The following PUS7L variants were observed in gnomAD, a reference collection of about 807,000 sequenced individuals.
PUS7L encodes pseudouridine synthase 7 like, also known as pseudouridylate synthase PUS7L.
PUS7L carries 49 observed loss-of-function variants against 51.1 expected under a neutral mutation model. That is an observed-to-expected ratio of 0.96 (90% CI 0.76 to 1.22). The LOEUF (loss-of-function observed/expected upper bound fraction) is 1.22. Among genes scored for constraint, PUS7L ranks in the 50% most tolerant of loss-of-function variants. The pLI is 0.00. For missense variants in PUS7L, 828 were observed against 820.6 expected (o/e 1.01, Z -0.11); for synonymous variants, 277 against 276.2 (o/e 1.00, Z -0.03).
intron 7 of PUS7L, 100 bp downstream of exon 7, chr12:43,736,281 T>G: frequency 1.0e-6 from 1 of 973,544 alleles, no homozygotes; most frequent in African/African-American, 1.6e-5. Context: ...ATAAATAAAT[T>G]ACATGTATGT....
chr12:43,749,492 G>A (rs1206640751), intron 2 of PUS7L, among the ~76,000 whole-genome samples: 2 of 152,060 alleles, frequency 1.3e-5, no homozygotes, highest in Non-Finnish European at 2.9e-5. Flanking sequence ...AGACCAGGCT[G>A]GGCAACATAT....
rs780379475 is a variant in PUS7L, at chr12:43,738,382, T to C, written c.1372A>G (p.Ile458Val). 9 of 1,569,140 alleles carry C rather than the reference T, an allele frequency of 5.7e-6. No homozygotes were observed. The highest frequency in any genetic ancestry group is 1.7e-5 in the Admixed American group (1 of 59,410). The change falls in exon 6 of 9, where the codon ATA (isoleucine) becomes GTA (valine). Residue 458 changes from isoleucine (I) to valine (V), a missense_variant. Ile to Val is a conservative substitution (Grantham distance 29). Coordinates refer to ENST00000344862, the MANE Select transcript of PUS7L (RefSeq NM_031292.5). Reference sequence around the variant, plus strand: ...TCTTCTGGTGTAAGAAACAATTTTATGGCTTTCATCTTAAAAAATCAAGCA... The same window carrying C: ...TCTTCTGGTGTAAGAAACAATTTTACGGCTTTCATCTTAAAAAATCAAGCA... ...ALLKNEMMKA[I>V]KLFLTPEDLD...
intron 4 of PUS7L, among the ~76,000 whole-genome samples, chr12:43,743,536 G>A (rs537244472): frequency 2.0e-5 from 3 of 152,304 alleles, no homozygotes; most frequent in South Asian, 2.1e-4. Context: ...GGCCAAGGCC[G>A]GCGGATCACG....
At position 43,742,446 on chromosome 12, in the gene PUS7L, A is replaced by G; in HGVS notation, c.1362+11T>C. 1 of 1,582,830 alleles carries G rather than the reference A, an allele frequency of 6.3e-7. No homozygotes were observed. The highest frequency in any genetic ancestry group is 1.7e-4 in the Middle Eastern group (1 of 5,988). Reference sequence around the variant, plus strand: ...AGAAACAGATAAGATTACATTTTTCAAAATCCATACCATTTCATTCTTCAG... The same window carrying G: ...AGAAACAGATAAGATTACATTTTTCGAAATCCATACCATTTCATTCTTCAG... On this transcript the variant is annotated intron_variant, in intron 5 of 8. Transcript: ENST00000344862.
Position 43,746,196 on chromosome 12 carries a change from A to G in PUS7L, c.1113T>C (p.Asn371=), listed in dbSNP as rs777583909. The part of the protein sequence containing the change: ...IEKEIEKKRM[N]VFNIRSVDDS... ...CATCTACAGACCGAATATTAAAGACATTCATTCTTTTCTTTTCAATTTCTT... is the reference window on the plus strand; with the variant it reads ...CATCTACAGACCGAATATTAAAGACGTTCATTCTTTTCTTTTCAATTTCTT... Residue 371 remains asparagine, a synonymous_variant, in exon 4 of 9, where the codon AAT becomes AAC. Coordinates refer to ENST00000344862, the MANE Select transcript of PUS7L (RefSeq NM_031292.5). 3 of 1,378,912 alleles carry G rather than the reference A, an allele frequency of 2.2e-6. No individual in the cohort carries two copies. The highest frequency in any genetic ancestry group is 4.0e-5 in the Admixed American group (2 of 50,540). 85.4% of individuals were successfully genotyped at this position (1,378,912 alleles called of 1,614,324 possible). A position where few individuals can be genotyped will look rare whatever the true frequency, so the allele number is the denominator to read the frequency against.
At chr12:43,749,353 T>G (rs761735125) in intron 2 of PUS7L, among the ~76,000 whole-genome samples, 2 of 152,150 alleles carry the variant, frequency 1.3e-5, no homozygotes, top group Non-Finnish European at 2.9e-5. Flanking sequence ...ACCGAAGACA[T>G]GGAATCAACC....
intron 4 of PUS7L, among the ~76,000 whole-genome samples, chr12:43,744,517 C>T (rs377318301): frequency 6.6e-6 from 1 of 152,188 alleles, no homozygotes; most frequent in African/African-American, 2.4e-5. Context: ...CCCACCTATA[C>T]GGAACTGTGA....
intron 1 of PUS7L, chr12:43,758,299 A>ACG (rs1410952060): frequency 1.0e-6 from 1 of 985,270 alleles, no homozygotes; most frequent in African/African-American, 1.7e-5. Context: ...GAGGACAGCA[A>ACG]AGGAGCCCAC....
At position 43,730,557 on chromosome 12, in the gene PUS7L, C is replaced by T; in HGVS notation, c.1925G>A (p.Arg642Lys). 6.2e-7 allele frequency: 1 copy of T among 1,613,872 alleles called. No homozygotes were observed. The highest frequency in any genetic ancestry group is 8.5e-7 in the Non-Finnish European group (1 of 1,179,858). ...TLKLNIPGCYRQILKHPCNLS... is the reference protein window; with the variant it reads ...TLKLNIPGCYKQILKHPCNLS... ...ATTACAGGGATGTTTCAAAATCTGT[C>T]TATAGCAACCTGGTATATTCAGTTT... The change falls in exon 9 of 9, where the codon AGA becomes AAA. Residue 642 changes from arginine to lysine, a missense_variant. By Grantham distance (26) the Arg-to-Lys change is conservative. Transcript: ENST00000344862.
At chr12:43,750,527 G>C (rs537564354) in intron 2 of PUS7L, among the ~76,000 whole-genome samples, 35 of 152,088 alleles carry the variant, frequency 2.3e-4, no homozygotes, top group African/African-American at 8.0e-4. Flanking sequence ...TAATTACTTA[G>C]AACAATTACA....
In PUS7L at chr12:43,723,193, A is replaced by G. The variant is rs1944417321; in HGVS notation, c.*7183T>C. 1 of 152,144 alleles carries G rather than the reference A, an allele frequency of 6.6e-6. No homozygotes were observed. The highest frequency in any genetic ancestry group is 1.5e-5 in the Non-Finnish European group (1 of 67,968). 9.4% of individuals were successfully genotyped at this position (152,144 alleles called of 1,614,324 possible). A position where few individuals can be genotyped will look rare whatever the true frequency, so the allele number is the denominator to read the frequency against. ...AGAGATGGCCTATGTACACAGGCAG[A>G]GTAAATTAACTCCTGCCTCAAAGTT... On this transcript the variant is annotated 3_prime_UTR_variant, in exon 9 of 9. Coordinates refer to ENST00000344862, the MANE Select transcript of PUS7L (RefSeq NM_031292.5).
chr12:43,746,244 A>C lies in PUS7L; in HGVS notation c.1071-6T>G. On this transcript the variant is annotated splice_polypyrimidine_tract_variant and splice_region_variant and intron_variant, in intron 3 of 8. Coordinates refer to ENST00000344862, the MANE Select transcript of PUS7L (RefSeq NM_031292.5). Reference sequence around the variant, plus strand: ...CTTTTTCAATATTTTTCAACCTGTAAGTAATAAATCATATAAACTCAGTTA... The same window carrying C: ...CTTTTTCAATATTTTTCAACCTGTACGTAATAAATCATATAAACTCAGTTA... The C allele has an allele frequency of 2.6e-6, 3 of 1,174,582 alleles. No individual in the cohort carries two copies. Among genetic ancestry groups the C allele is most frequent in the Non-Finnish European group, 3.6e-6 (3 of 828,168 alleles). The allele number at this position is 1,174,582 out of a possible 1,614,324, so 72.8% of individuals were successfully genotyped here.
chr12:43,748,616 CAAA>C lies in PUS7L; in HGVS notation c.911-10_911-8del, dbSNP rs750552126. The C allele has an allele frequency of 1.2e-5, 17 of 1,404,930 alleles. No individual in the cohort carries two copies. In the African/African-American group the frequency reaches 2.1e-4, roughly 17 times the overall value. 87.0% of individuals were successfully genotyped at this position (1,404,930 alleles called of 1,614,324 possible). On this transcript the variant is annotated splice_region_variant and splice_polypyrimidine_tract_variant and intron_variant, in intron 2 of 8. Coordinates refer to ENST00000344862, the MANE Select transcript of PUS7L (RefSeq NM_031292.5). Reference sequence around the variant, plus strand: ...TCCTTTCGTAGGGTAAAAGCTGAAACAAAAAAAAAACTTAGATCACAAAAAAAG... The same window carrying C: ...TCCTTTCGTAGGGTAAAAGCTGAAACAAAAAAACTTAGATCACAAAAAAAG...
At chr12:43,732,891 A>T (rs1248438338) in intron 7 of PUS7L, among the ~76,000 whole-genome samples, 1 of 152,222 alleles carries the variant, frequency 6.6e-6, no homozygotes, top group Non-Finnish European at 1.5e-5. Flanking sequence ...AAAATACAAG[A>T]GACAGACTAC....
chr12:43,745,967 A>G (rs957850093), intron 4 of PUS7L, 79 bp downstream of exon 4: 8 of 620,478 alleles, frequency 1.3e-5, no homozygotes, highest in Non-Finnish European at 2.2e-5. Context: ...AAGAAAAAGA[A>G]GTTTCCCCTC....
intron 1 of PUS7L, among the ~76,000 whole-genome samples, chr12:43,756,111 A>C (rs1466012407): frequency 6.6e-6 from 1 of 152,208 alleles, no homozygotes; most frequent in African/African-American, 2.4e-5. Flanking sequence ...CATACCTATA[A>C]TGTATTCTAC....
rs150132616 is a variant in PUS7L, at chr12:43,751,888, G to A, written c.910+2448C>T. Among the ~76,000 whole-genome samples, 138 of 152,188 alleles carry A rather than the reference G, an allele frequency of 9.1e-4. 2 individuals carry two copies. The Middle Eastern group carries it at 0.017, about 19-fold the overall frequency. ...CCTGTTTCCTGACTTTTTAATGATC[G>A]CCATTCTAACTGGTGTGAGATGATA... On this transcript the variant is annotated intron_variant, in intron 2 of 8. Coordinates refer to ENST00000344862, the MANE Select transcript of PUS7L (RefSeq NM_031292.5).
chr12:43,736,759 G>C, intron 6 of PUS7L, 98 bp from the exon 7 acceptor site: 1 of 1,057,030 alleles, frequency 9.5e-7, no homozygotes, highest in East Asian at 2.4e-5. Flanking sequence ...AATGAACATG[G>C]GTATTAAGAT....
At chr12:43,742,833 T>C (rs73280421) in intron 4 of PUS7L, 2,385 of 205,534 alleles carry the variant, frequency 0.012, 71 homozygotes, top group African/African-American at 0.052. Context: ...ATGTGAGATT[T>C]TCAGTGTTAA....
Sources: gnomAD v4.1 joint callset for allele counts (sites outside exome capture counted in the v4.1 genomes callset) on GRCh38, gnomAD v4.1.1 for gene constraint, MANE v1.5 for transcripts, NCBI Gene and HGNC (gene_info 2026-07-23, HGNC 2026-07-21) for gene names.